The following STXBP4 variants were observed in gnomAD, a reference collection of about 807,000 sequenced individuals.
STXBP4 encodes syntaxin-binding protein 4.
Under a neutral mutation model 76.1 loss-of-function variants are expected in STXBP4, and 55 were observed. That is an observed-to-expected ratio of 0.72 (90% confidence interval 0.58 to 0.91). The LOEUF (loss-of-function observed/expected upper bound fraction) is 0.91. Among genes scored for constraint, STXBP4 ranks in the 40% least tolerant of loss-of-function variants. The pLI, the probability that STXBP4 is intolerant of heterozygous loss-of-function variation, is 0.00. For synonymous variants in STXBP4, 201 were observed against 220.2 expected, an observed-to-expected ratio of 0.91 and a Z score of 0.77; for missense variants, 618 against 636.9, an observed-to-expected ratio of 0.97 and a Z score of 0.32.
intron 4 of STXBP4, chr17:54,991,722 GAATTAATAA>G (rs894421678): frequency 5.3e-5 from 8 of 150,234 alleles, no homozygotes; most frequent in Admixed American, 1.3e-4. Flanking sequence ...TAATAATTAA[GAATTAATAA>G]AATTAATAAA....
At chr17:55,153,912 T>C (rs181354415) in intron 17 of STXBP4, among the ~76,000 whole-genome samples, 1 of 152,312 alleles carries the variant, frequency 6.6e-6, no homozygotes, top group Admixed American at 6.5e-5. Context: ...TTTAGAAAGA[T>C]AGGCTTTTAG....
chr17:54,984,159 C>T (rs1393611001), intron 1 of STXBP4, among the ~76,000 whole-genome samples: 1 of 151,952 alleles, frequency 6.6e-6, no homozygotes, highest in African/African-American at 2.4e-5. Context: ...GTAGTTGGCT[C>T]TGTGTTTGGG....
At chr17:55,157,766 A>C (rs1301701233) in intron 17 of STXBP4, among the ~76,000 whole-genome samples, 1 of 152,248 alleles carries the variant, frequency 6.6e-6, no homozygotes, top group East Asian at 1.9e-4. Context: ...ATTGAAAACA[A>C]ACCAAACTAA....
At chr17:55,003,825 G>C (rs1189072110) in intron 7 of STXBP4, among the ~76,000 whole-genome samples, 1 of 152,078 alleles carries the variant, frequency 6.6e-6, no homozygotes, top group Admixed American at 6.6e-5. Flanking sequence ...AATAACACAT[G>C]AGTTTGTAAG....
At chr17:55,000,950 A>G in intron 7 of STXBP4, 67 bp downstream of exon 7, 1 of 1,097,100 alleles carries the variant, frequency 9.1e-7, no homozygotes, top group Non-Finnish European at 1.4e-6. Context: ...GGAGTGTGTA[A>G]TGTGACTTAA....
At chr17:55,109,692 C>T (rs929932635) in intron 16 of STXBP4, among the ~76,000 whole-genome samples, 3 of 144,622 alleles carry the variant, frequency 2.1e-5, no homozygotes, top group Non-Finnish European at 4.5e-5. Context: ...TGCAGTGGCA[C>T]AATCTCAGCT....
At chr17:55,126,322 C>G (rs746429820) in intron 16 of STXBP4, among the ~76,000 whole-genome samples, 2 of 152,028 alleles carry the variant, frequency 1.3e-5, no homozygotes, top group Non-Finnish European at 2.9e-5. Context: ...TACCTACATG[C>G]AATGAAGCGA....
At chr17:55,145,428 G>C (rs1193639664) in intron 17 of STXBP4, among the ~76,000 whole-genome samples, 2 of 152,284 alleles carry the variant, frequency 1.3e-5, no homozygotes, top group East Asian at 3.9e-4. Flanking sequence ...ATCTCTTCCT[G>C]AAATTGGCAT....
At chr17:55,098,700 TA>T (rs1392726118) in intron 16 of STXBP4, among the ~76,000 whole-genome samples, 2 of 152,234 alleles carry the variant, frequency 1.3e-5, no homozygotes, top group African/African-American at 4.8e-5. Flanking sequence ...TTTAATTGCC[TA>T]CTATCAGAAA....
chr17:55,138,263 GA>G (rs2080057419), intron 16 of STXBP4, among the ~76,000 whole-genome samples: 1 of 151,930 alleles, frequency 6.6e-6, no homozygotes, highest in South Asian at 2.1e-4. Flanking sequence ...GCAAAATGCT[GA>G]ACACATAATA....
chr17:54,985,952 C>T (rs960694775), intron 2 of STXBP4, among the ~76,000 whole-genome samples, 190 bp from the exon 3 acceptor site: 2 of 152,032 alleles, frequency 1.3e-5, no homozygotes, highest in African/African-American at 4.8e-5. Context: ...AATGAGCTGT[C>T]TTTACACTTC....
chr17:54,997,205 A>C (rs1207717446), intron 4 of STXBP4, among the ~76,000 whole-genome samples: 1 of 152,186 alleles, frequency 6.6e-6, no homozygotes, highest in Non-Finnish European at 1.5e-5. Flanking sequence ...ACTTTTAAAC[A>C]GGTTCAGAAA....
the STXBP4 span, among the ~76,000 whole-genome samples, chr17:55,200,182 T>C: frequency 6.6e-6 from 1 of 152,230 alleles, no homozygotes; most frequent in South Asian, 2.1e-4. Context: ...CCTTTGTTCA[T>C]CAGAGTATTT....
chr17:55,142,068 T>C (rs2145152298), intron 17 of STXBP4, among the ~76,000 whole-genome samples: 1 of 152,310 alleles, frequency 6.6e-6, no homozygotes, highest in African/African-American at 2.4e-5. Flanking sequence ...ACTACTTAAT[T>C]ACCAAGTCAG....
rs992621421 is a variant in STXBP4, at chr17:55,033,376, AAAAT to A, written c.764-776_764-773del. On this transcript the variant is annotated intron_variant, in intron 9 of 17. Coordinates refer to ENST00000376352, the MANE Select transcript of STXBP4 (RefSeq NM_178509.6). ...GTGACAGAGTGAGACTCCATCTCAA[AAAAT>A]AAATAAATAAATAAAATAAAATAAA... Among the ~76,000 whole-genome samples the A allele has an allele frequency of 1.2e-3, 177 of 152,164 alleles. 2 individuals carry two copies. The highest frequency in any genetic ancestry group is 6.8e-3 in the Middle Eastern group (2 of 294).
chr17:55,204,738 G>C, the STXBP4 span, among the ~76,000 whole-genome samples: 2 of 151,738 alleles, frequency 1.3e-5, no homozygotes, highest in African/African-American at 4.9e-5. Context: ...TCAACTATAT[G>C]AACCTACTTT....
At chr17:55,041,162 T>C (rs184440339) in intron 10 of STXBP4, among the ~76,000 whole-genome samples, 1 of 151,928 alleles carries the variant, frequency 6.6e-6, no homozygotes, top group Admixed American at 6.6e-5. Flanking sequence ...GTCACATCCC[T>C]AAAATCCCAA....
chr17:55,020,694 T>A (rs999374184), intron 8 of STXBP4, among the ~76,000 whole-genome samples: 2 of 152,158 alleles, frequency 1.3e-5, no homozygotes, highest in African/African-American at 4.8e-5. Context: ...GGCATGCACC[T>A]GTAATCCCAG....
At chr17:55,057,874 G>A (rs961418063) in intron 12 of STXBP4, among the ~76,000 whole-genome samples, 10 of 152,108 alleles carry the variant, frequency 6.6e-5, no homozygotes, top group African/African-American at 2.2e-4. Context: ...ATCTGCAAAG[G>A]ACATGAAGTC....
Sources: gnomAD v4.1 joint callset for allele counts (sites outside exome capture counted in the v4.1 genomes callset) on GRCh38, gnomAD v4.1.1 for gene constraint, MANE v1.5 for transcripts, NCBI Gene and HGNC (gene_info 2026-07-23, HGNC 2026-07-21) for gene names.